The following KCNQ1 variants were observed in gnomAD, a reference collection of about 807,000 sequenced individuals.
The protein encoded by KCNQ1 is potassium voltage-gated channel subfamily Q member 1, also known as potassium voltage-gated channel subfamily KQT member 1.
In KCNQ1, 49 loss-of-function variants were observed where a neutral mutation model predicts 72.4. That is an observed-to-expected ratio of 0.68 (90% CI 0.54 to 0.86). KCNQ1 has a LOEUF of 0.86. Among genes scored for constraint, KCNQ1 ranks in the 40% least tolerant of loss-of-function variants. The pLI, the probability that KCNQ1 is intolerant of heterozygous loss-of-function variation, is 0.00. For synonymous variants in KCNQ1, 450 were observed against 412.6 expected, an observed-to-expected ratio of 1.09 and a Z score of -1.10; for missense variants, 790 against 945.1, an observed-to-expected ratio of 0.84 and a Z score of 2.15.
intron 2 of KCNQ1, among the ~76,000 whole-genome samples, chr11:2,558,521 G>T (rs1298908169): frequency 6.6e-6 from 1 of 152,210 alleles, no homozygotes; most frequent in Non-Finnish European, 1.5e-5. Context: ...ACTCTGCCTA[G>T]CGCCATCTGC....
Position 2,711,358 on chromosome 11 carries a change from C to G in KCNQ1, c.1514+49277C>G, listed in dbSNP as rs1851001785. Among the ~76,000 whole-genome samples the G allele has an allele frequency of 6.6e-6, 1 of 152,208 alleles. No individual in the cohort carries two copies. The highest frequency in any genetic ancestry group is 1.5e-5 in the Non-Finnish European group (1 of 68,036). ...TTCTGGTAATGCTTCTTTGTGGTCTCCTGTCTTGCGCACTAATTGTTGCCC... is the reference window on the plus strand; with the variant it reads ...TTCTGGTAATGCTTCTTTGTGGTCTGCTGTCTTGCGCACTAATTGTTGCCC... On this transcript the variant is annotated intron_variant, in intron 11 of 15. Coordinates refer to ENST00000155840, the MANE Select transcript of KCNQ1 (RefSeq NM_000218.3). This position sits in a 1 kb window ranked among gnomAD's most constrained non-coding sequence, Gnocchi z 5.4.
intron 15 of KCNQ1, among the ~76,000 whole-genome samples, chr11:2,794,550 C>G (rs1847093570): frequency 6.6e-6 from 1 of 152,146 alleles, no homozygotes; most frequent in African/African-American, 2.4e-5. Flanking sequence ...TGACTCAGCC[C>G]TGAGCCCAGC....
chr11:2,645,449 C>A lies in KCNQ1; in HGVS notation c.1394-16512C>A. ...GCAAGAATGTACTGACTGTGGTAGGCAGGCACAGGAAGATCCCTGTATACC... is the reference window on the plus strand; with the variant it reads ...GCAAGAATGTACTGACTGTGGTAGGAAGGCACAGGAAGATCCCTGTATACC... On this transcript the variant is annotated intron_variant, in intron 10 of 15. Transcript: ENST00000155840. This position sits in a 1 kb window ranked among gnomAD's most constrained non-coding sequence, Gnocchi z 5.8. 2.5e-6 allele frequency: 1 copy of A among 398,672 alleles called. No individual in the cohort carries two copies. The highest frequency in any genetic ancestry group is 4.4e-6 in the Non-Finnish European group (1 of 226,124). 24.7% of individuals were successfully genotyped at this position (398,672 alleles called of 1,614,324 possible).
chr11:2,799,605 G>C (rs1174330265), intron 15 of KCNQ1, among the ~76,000 whole-genome samples: 2 of 152,050 alleles, frequency 1.3e-5, no homozygotes, highest in African/African-American at 4.8e-5. Context: ...TTGTATCCAA[G>C]ACAGCCAAAG....
At chr11:2,580,185 A>G (rs777087901) in intron 6 of KCNQ1, among the ~76,000 whole-genome samples, 7 of 151,614 alleles carry the variant, frequency 4.6e-5, no homozygotes, top group African/African-American at 1.7e-4. Flanking sequence ...GCCTCCCCCA[A>G]CTGCTTGCCG....
chr11:2,554,335 G>A (rs757262727), intron 2 of KCNQ1, among the ~76,000 whole-genome samples: 2 of 152,226 alleles, frequency 1.3e-5, no homozygotes, highest in Non-Finnish European at 2.9e-5. Flanking sequence ...GGCTATGCAG[G>A]TTGTCTATTT....
At position 2,642,871 on chromosome 11, in the gene KCNQ1, C is replaced by T. The variant is rs1590000293; in HGVS notation, c.1394-19090C>T. 2.0e-5 allele frequency: 8 copies of T among 397,772 alleles called. No individual in the cohort carries two copies. In the East Asian group the frequency reaches 2.9e-4, roughly 14 times the overall value. The allele number at this position is 397,772 out of a possible 1,614,324, so 24.6% of individuals were successfully genotyped here. On this transcript the variant is annotated intron_variant, in intron 10 of 15. Transcript: ENST00000155840. This position sits in a 1 kb window ranked among gnomAD's most constrained non-coding sequence, Gnocchi z 4.3. ...TTTCAGAATGTTGTGCTTCTATTTT[C>T]ACTTGTTTCAGTAAATTTTTTATTT... is the stretch of plus-strand genomic sequence containing the variant.
Position 2,668,078 on chromosome 11 carries a change from C to G in KCNQ1, c.1514+5997C>G, listed in dbSNP as rs12294861. On this transcript the variant is annotated intron_variant, in intron 11 of 15. Transcript: ENST00000155840. This position sits in a 1 kb window ranked among gnomAD's most constrained non-coding sequence, Gnocchi z 4.3. ...TTTATGCGGTGGGAATGATGCAACT[C>G]ATACACCTTTGTGTCCAATGTCCCT... 4,260 of 398,590 alleles carry G rather than the reference C, an allele frequency of 0.011. 163 individuals are homozygous for G. The highest frequency in any genetic ancestry group is 0.078 in the African/African-American group (3,820 of 48,696). The allele number at this position is 398,590 out of a possible 1,614,324, so 24.7% of individuals were successfully genotyped here.
Position 2,679,177 on chromosome 11 carries a change from G to C in KCNQ1, c.1514+17096G>C. 1 of 398,642 alleles carries C rather than the reference G, an allele frequency of 2.5e-6. No homozygotes were observed. The highest frequency in any genetic ancestry group is 4.4e-6 in the Non-Finnish European group (1 of 226,098). The allele number at this position is 398,642 out of a possible 1,614,324, so 24.7% of individuals were successfully genotyped here. A position where few individuals can be genotyped will look rare whatever the true frequency, so the allele number is the denominator to read the frequency against. On this transcript the variant is annotated intron_variant, in intron 11 of 15. Coordinates refer to ENST00000155840, the MANE Select transcript of KCNQ1 (RefSeq NM_000218.3). This position sits in a 1 kb window ranked among gnomAD's most constrained non-coding sequence, Gnocchi z 4.8. ...CAGCAGCGACTCAGTTTCCATGTCTGAGTTAGGCCACCTGTAACAATGCAG... is the reference window on the plus strand; with the variant it reads ...CAGCAGCGACTCAGTTTCCATGTCTCAGTTAGGCCACCTGTAACAATGCAG...
At position 2,460,186 on chromosome 11, in the gene KCNQ1, G is replaced by A. The variant is rs138693577; in HGVS notation, c.386+14702G>A. ...ACCCCTACCAGCCTGTGGCCCAGCT[G>A]GGGGCAGGACTCCGGGGCAGGGTGA... On this transcript the variant is annotated intron_variant, in intron 1 of 15. Transcript: ENST00000155840. 1.2e-3 allele frequency among the ~76,000 whole-genome samples: 188 copies of A among 152,328 alleles called. 1 individual carries two copies. The highest frequency in any genetic ancestry group is 4.4e-3 in the African/African-American group (185 of 41,586).
intron 10 of KCNQ1, among the ~76,000 whole-genome samples, chr11:2,594,215 A>G (rs996991013): frequency 6.6e-6 from 1 of 152,200 alleles, no homozygotes; most frequent in Non-Finnish European, 1.5e-5. Context: ...AGAAAGTAAC[A>G]GGTTAATATG....
chr11:2,635,708 A>G (rs2133822108), intron 10 of KCNQ1: 1 of 152,240 alleles, frequency 6.6e-6, no homozygotes, highest in African/African-American at 2.4e-5. Flanking sequence ...GTTTTTTTCC[A>G]ATTCTGTGAA....
intron 2 of KCNQ1, among the ~76,000 whole-genome samples, chr11:2,568,599 C>G (rs1848281076): frequency 6.6e-6 from 1 of 152,258 alleles, no homozygotes; most frequent in South Asian, 2.1e-4. Context: ...CTCCTGCTAC[C>G]AGAGAGCCCT....
Position 2,704,059 on chromosome 11 carries a change from G to A in KCNQ1, c.1514+41978G>A, listed in dbSNP as rs925591528. 3.3e-5 allele frequency among the ~76,000 whole-genome samples: 5 copies of A among 152,360 alleles called. No individual in the cohort carries two copies. The highest frequency in any genetic ancestry group is 1.2e-4 in the African/African-American group (5 of 41,588). On this transcript the variant is annotated intron_variant, in intron 11 of 15. Transcript: ENST00000155840. The surrounding 1 kb of genome is among the most constrained non-coding windows in gnomAD (Gnocchi z 4.3). ...AAGCCTGCTCTTAAGGTCAGCCCTT[G>A]CAGTTGGCAGTCTGTGGCCCCTCCT...
intron 10 of KCNQ1, chr11:2,631,540 G>A (rs950246249): frequency 7.0e-5 from 28 of 397,992 alleles, no homozygotes; most frequent in Middle Eastern, 6.2e-4. Context: ...TAAATCAGTC[G>A]TTTTTAATTT....
At chr11:2,533,493 T>C (rs1393116499) in intron 2 of KCNQ1, among the ~76,000 whole-genome samples, 1 of 152,226 alleles carries the variant, frequency 6.6e-6, no homozygotes, top group Admixed American at 6.5e-5. Flanking sequence ...CGTGTGTACG[T>C]ACGTGCATGT....
chr11:2,653,935 C>A lies in KCNQ1; in HGVS notation c.1394-8026C>A. On this transcript the variant is annotated intron_variant, in intron 10 of 15. Transcript: ENST00000155840. The surrounding 1 kb of genome is among the most constrained non-coding windows in gnomAD (Gnocchi z 5.3). ...TGTTCCCAGAAGCCAGGCCTGGCTGCTGGCAGGCAAAAACAACAGGTGTCC... is the reference window on the plus strand; with the variant it reads ...TGTTCCCAGAAGCCAGGCCTGGCTGATGGCAGGCAAAAACAACAGGTGTCC... The A allele has an allele frequency of 2.5e-6, 1 of 398,740 alleles. No homozygotes were observed. The highest frequency in any genetic ancestry group is 4.4e-6 in the Non-Finnish European group (1 of 226,136). 24.7% of individuals were successfully genotyped at this position (398,740 alleles called of 1,614,324 possible). A position where few individuals can be genotyped will look rare whatever the true frequency, so the allele number is the denominator to read the frequency against.
At chr11:2,630,997 G>A (rs184062692) in intron 10 of KCNQ1, 52 of 398,424 alleles carry the variant, frequency 1.3e-4, no homozygotes, top group East Asian at 1.0e-3. Context: ...TTATCTTGCC[G>A]CTTTCAAAAT....
At chr11:2,518,085 A>G (rs1847317850) in intron 1 of KCNQ1, among the ~76,000 whole-genome samples, 2 of 152,342 alleles carry the variant, frequency 1.3e-5, no homozygotes, top group South Asian at 2.1e-4. Flanking sequence ...TCACACCATC[A>G]GTCATTCAGC....
Sources: gnomAD v4.1 joint callset for allele counts (sites outside exome capture counted in the v4.1 genomes callset) on GRCh38, gnomAD v4.1.1 for gene constraint, Gnocchi (gnomAD v3.1) non-coding constraint, MANE v1.5 for transcripts, NCBI Gene and HGNC (gene_info 2026-07-23, HGNC 2026-07-21) for gene names.